PCDHGB3: variants seen among roughly 807,000 people sequenced by gnomAD.
The protein encoded by PCDHGB3 is protocadherin gamma subfamily B, 3, also known as protocadherin gamma-B3.
A neutral mutation model predicts 59.2 loss-of-function variants in PCDHGB3; 40 were observed. The ratio of observed to expected loss-of-function variants is 0.68; its 90% CI spans 0.52 to 0.88. PCDHGB3 has a LOEUF of 0.88. Ranked by LOEUF, PCDHGB3 falls within the 40% of genes least tolerant of loss-of-function variation. The probability of loss-of-function intolerance (pLI) is 0.00; values close to 1 mark genes in which losing one functional copy is unlikely to be tolerated. For missense variants in PCDHGB3, 1,309 were observed against 1,187.9 expected (o/e 1.10, Z -1.50); for synonymous variants, 581 against 503.6 (o/e 1.15, Z -2.06).
intron 2 of PCDHGB3, among the ~76,000 whole-genome samples, chr5:141,503,638 T>C (rs1467962880): frequency 1.3e-5 from 2 of 151,908 alleles, no homozygotes; most frequent in Non-Finnish European, 2.9e-5. Flanking sequence ...AAATAATTAT[T>C]GAATCAATGG....
intron 1 of PCDHGB3, chr5:141,418,830 G>A (rs371820904): frequency 1.2e-6 from 2 of 1,613,976 alleles, no homozygotes; most frequent in Non-Finnish European, 1.7e-6. Flanking sequence ...GCAAAAGACC[G>A]AGGATCTCTC....
intron 1 of PCDHGB3, among the ~76,000 whole-genome samples, chr5:141,457,931 T>G (rs1335457669): frequency 6.6e-6 from 1 of 152,184 alleles, no homozygotes; most frequent in Non-Finnish European, 1.5e-5. Context: ...CCAAGGGGCT[T>G]TTATTGGCTC....
intron 1 of PCDHGB3, chr5:141,399,997 A>C (rs2093936203): frequency 6.2e-7 from 1 of 1,612,226 alleles, no homozygotes; most frequent in African/African-American, 1.3e-5. Context: ...AGAGGTGCGC[A>C]CAGCGCGTGC....
Position 141,487,925 on chromosome 5 carries a change from C to T in PCDHGB3, c.2416-6882C>T. 4.8e-6 allele frequency: 3 copies of T among 629,734 alleles called. No homozygotes were observed. The highest frequency in any genetic ancestry group is 8.3e-6 in the Non-Finnish European group (3 of 362,440). 39.0% of individuals were successfully genotyped at this position (629,734 alleles called of 1,614,324 possible). On this transcript the variant is annotated intron_variant, in intron 1 of 3. Coordinates refer to ENST00000576222, the MANE Select transcript of PCDHGB3 (RefSeq NM_018924.5). The surrounding 1 kb of genome is among the most constrained non-coding windows in gnomAD (Gnocchi z 5.0). ...TGTGGGAGCACAGGAGGCTACAGTGCACAGGGTACAGTGCACCAGGCAGTC... is the reference window on the plus strand; with the variant it reads ...TGTGGGAGCACAGGAGGCTACAGTGTACAGGGTACAGTGCACCAGGCAGTC...
At chr5:141,407,286 T>A (rs1409712341) in intron 1 of PCDHGB3, among the ~76,000 whole-genome samples, 1 of 152,234 alleles carries the variant, frequency 6.6e-6, no homozygotes, top group Non-Finnish European at 1.5e-5. Flanking sequence ...TTGTTACAAT[T>A]TCTGTTCTGA....
intron 1 of PCDHGB3, chr5:141,383,071 G>A (rs1778782498): frequency 1.2e-6 from 2 of 1,613,916 alleles, no homozygotes; most frequent in South Asian, 1.1e-5. Context: ...GGAGCCCCGG[G>A]AGCTGGCGGA....
At chr5:141,394,557 G>T in intron 1 of PCDHGB3, 1 of 1,614,082 alleles carries the variant, frequency 6.2e-7, no homozygotes, top group South Asian at 1.1e-5. Context: ...GCCCCGCTCC[G>T]CAGAGCGTGG....
At chr5:141,461,501 T>G (rs113852528) in intron 1 of PCDHGB3, among the ~76,000 whole-genome samples, 1 of 152,310 alleles carries the variant, frequency 6.6e-6, no homozygotes, top group South Asian at 2.1e-4. Flanking sequence ...TTATTTTTCT[T>G]GGTGATTTGT....
chr5:141,400,314 C>G (rs764415393), intron 1 of PCDHGB3: 1 of 1,614,078 alleles, frequency 6.2e-7, no homozygotes, highest in Non-Finnish European at 8.5e-7. Flanking sequence ...GTCTCTGTGT[C>G]AAGTCTGGAC....
In PCDHGB3 at chr5:141,511,335, A is replaced by T; in HGVS notation, c.*162A>T. 7.0e-7 allele frequency: 1 copy of T among 1,438,820 alleles called. No homozygotes were observed. The highest frequency in any genetic ancestry group is 9.2e-7 in the Non-Finnish European group (1 of 1,083,596). The allele number at this position is 1,438,820 out of a possible 1,614,324, so 89.1% of individuals were successfully genotyped here. A position where few individuals can be genotyped will look rare whatever the true frequency, so the allele number is the denominator to read the frequency against. On this transcript the variant is annotated 3_prime_UTR_variant, in exon 4 of 4. Coordinates refer to ENST00000576222, the MANE Select transcript of PCDHGB3 (RefSeq NM_018924.5). ...AAACAGAAACAAGTGCCCAGTCAGC[A>T]CCTACCCCTTCCCCCCCAGGGGGTT...
At chr5:141,425,353 T>C (rs868017955) in intron 1 of PCDHGB3, among the ~76,000 whole-genome samples, 2 of 152,296 alleles carry the variant, frequency 1.3e-5, no homozygotes, top group Middle Eastern at 3.4e-3. Context: ...CTTTGAAATG[T>C]GATATTAAGA....
chr5:141,415,740 GTTTTTTTTTTTTTTTTTT>G (rs57426385), intron 1 of PCDHGB3: 9 of 625,028 alleles, frequency 1.4e-5, no homozygotes, highest in African/African-American at 5.0e-5. Flanking sequence ...GTTTATTAAG[GTTTTTTTTTTTTTTTTTT>G]TTTTTTTTTT....
chr5:141,423,082 G>A (rs1390567548), intron 1 of PCDHGB3: 3 of 1,614,078 alleles, frequency 1.9e-6, no homozygotes, highest in Admixed American at 1.7e-5. Flanking sequence ...GGGACTCTTC[G>A]CGGTGGGGGA....
Position 141,371,971 on chromosome 5 carries a change from G to A in PCDHGB3, c.1577G>A (p.Arg526His), listed in dbSNP as rs372239619. Residue 526 changes from arginine (R) to histidine (H), a missense_variant, in exon 1 of 4, where the codon CGT becomes CAT. Transcript: ENST00000576222. ...CGAGCCTTCGACCACGAGCAGCTGC[G>A]TGCCTTCGAGCTCACTCTGCAGGCC... The part of the protein sequence containing the change: ...AQRAFDHEQL[R>H]AFELTLQARD... 12 of 1,612,438 alleles carry A rather than the reference G, an allele frequency of 7.4e-6. No homozygotes were observed. Among genetic ancestry groups the A allele is most frequent in the African/African-American group, 6.7e-5 (5 of 75,070 alleles).
intron 1 of PCDHGB3, among the ~76,000 whole-genome samples, chr5:141,492,337 C>T (rs559700346): frequency 1.0e-3 from 158 of 152,324 alleles, no homozygotes; most frequent in African/African-American, 3.7e-3. Flanking sequence ...TACGCGAATA[C>T]CAGCTTTCAC....
In PCDHGB3 at chr5:141,389,708, G is replaced by C. The variant is rs773973967; in HGVS notation, c.2415+16899G>C. On this transcript the variant is annotated intron_variant, in intron 1 of 3. Coordinates refer to ENST00000576222, the MANE Select transcript of PCDHGB3 (RefSeq NM_018924.5). ...CCTGGCTGTCCTACCACGTGCTGCA[G>C]GCTAGCGAGCCCGGGCTCTTCAGCC... The C allele has an allele frequency of 4.3e-6, 7 of 1,612,610 alleles. No homozygotes were observed. In the South Asian group the frequency reaches 7.7e-5, roughly 18 times the overall value.
chr5:141,404,974 C>A, intron 1 of PCDHGB3: 1 of 1,614,022 alleles, frequency 6.2e-7, no homozygotes, highest in South Asian at 1.1e-5. Flanking sequence ...TCCTGGCTGA[C>A]CTGGGCAGTC....
At chr5:141,377,453 C>T (rs1242702883) in intron 1 of PCDHGB3, 1 of 151,916 alleles carries the variant, frequency 6.6e-6, no homozygotes, top group Non-Finnish European at 1.5e-5. Flanking sequence ...AAAAAGTAGC[C>T]AGATGTGTGG....
At chr5:141,389,754 G>A (rs370987485) in intron 1 of PCDHGB3, 3 of 1,612,772 alleles carry the variant, frequency 1.9e-6, no homozygotes, top group South Asian at 2.2e-5. Context: ...CACGGGCGAA[G>A]TGCGCACAGC....
Sources: gnomAD v4.1 joint callset for allele counts (sites outside exome capture counted in the v4.1 genomes callset) on GRCh38, gnomAD v4.1.1 for gene constraint, Gnocchi (gnomAD v3.1) non-coding constraint, MANE v1.5 for transcripts, NCBI Gene and HGNC (gene_info 2026-07-23, HGNC 2026-07-21) for gene names.